JMJD1C: variants seen among roughly 807,000 people sequenced by gnomAD.
JMJD1C encodes the protein jumonji domain containing 1C.
JMJD1C carries 31 observed loss-of-function variants against 245.3 expected under a neutral mutation model. That is an observed-to-expected ratio of 0.13 (90% confidence interval 0.09 to 0.17). The LOEUF is 0.17. Ranked by LOEUF, JMJD1C falls within the 10% of genes least tolerant of loss-of-function variation. JMJD1C has a pLI of 1.00. For missense variants in JMJD1C, 2,691 were observed against 3,000.2 expected, an observed-to-expected ratio of 0.90 and a Z score of 2.41; for synonymous variants, 1,057 against 1,017.4, an observed-to-expected ratio of 1.04 and a Z score of -0.74.
intron 24 of JMJD1C, among the ~76,000 whole-genome samples, chr10:63,172,714 G>C (rs535081544): frequency 4.0e-5 from 6 of 151,580 alleles, no homozygotes; most frequent in African/African-American, 1.5e-4. Context: ...TCACCAAGAA[G>C]GTGAAATTTG....
At chr10:63,208,931 T>C in intron 9 of JMJD1C, 130 bp from the exon 10 acceptor site, 2 of 1,062,234 alleles carry the variant, frequency 1.9e-6, no homozygotes, top group Non-Finnish European at 2.7e-6. Flanking sequence ...CTATAATAAA[T>C]TTGAAGAAAT....
chr10:63,415,696 A>G (rs1589704612), intron 1 of JMJD1C, among the ~76,000 whole-genome samples: 1 of 152,242 alleles, frequency 6.6e-6, no homozygotes, highest in South Asian at 2.1e-4. Context: ...CAAAACTGTA[A>G]AATGAAACTA....
chr10:63,196,534 G>C (rs904764404), intron 13 of JMJD1C, among the ~76,000 whole-genome samples: 35 of 152,090 alleles, frequency 2.3e-4, no homozygotes, highest in African/African-American at 7.0e-4. Context: ...AGAGACTTTG[G>C]TTAATCCTAT....
intron 1 of JMJD1C, among the ~76,000 whole-genome samples, chr10:63,399,146 C>G (rs1052726146): frequency 6.6e-6 from 1 of 152,154 alleles, no homozygotes; most frequent in Non-Finnish European, 1.5e-5. Context: ...TGATACGTAT[C>G]AAATCACTGC....
chr10:63,298,300 C>A (rs1460142467), intron 2 of JMJD1C, among the ~76,000 whole-genome samples: 1 of 152,176 alleles, frequency 6.6e-6, no homozygotes, highest in African/African-American at 2.4e-5. Flanking sequence ...AGCACTGGTG[C>A]CACTGGCCAC....
At chr10:63,388,364 G>C (rs146307862) in intron 1 of JMJD1C, among the ~76,000 whole-genome samples, 2 of 149,152 alleles carry the variant, frequency 1.3e-5, no homozygotes, top group Admixed American at 6.7e-5. Flanking sequence ...AAAAAAAGCC[G>C]AATATACTAT....
At chr10:63,251,873 A>G (rs1250824289) in intron 3 of JMJD1C, among the ~76,000 whole-genome samples, 1 of 152,176 alleles carries the variant, frequency 6.6e-6, no homozygotes, top group African/African-American at 2.4e-5. Flanking sequence ...TTAGCTGGGC[A>G]TGGTGGAGTG....
chr10:63,319,696 T>G (rs1453489098), intron 2 of JMJD1C, among the ~76,000 whole-genome samples: 1 of 152,226 alleles, frequency 6.6e-6, no homozygotes, highest in Non-Finnish European at 1.5e-5. Flanking sequence ...CCGTGAAATA[T>G]TCTCTTTAAT....
intron 1 of JMJD1C, among the ~76,000 whole-genome samples, chr10:63,433,657 C>T (rs953488690): frequency 3.4e-5 from 5 of 147,534 alleles, no homozygotes; most frequent in African/African-American, 7.5e-5. Context: ...GAGATCATGG[C>T]TCACTGCAGT....
intron 1 of JMJD1C, among the ~76,000 whole-genome samples, chr10:63,448,116 T>A (rs1245552148): frequency 5.9e-5 from 9 of 152,190 alleles, no homozygotes; most frequent in Admixed American, 5.9e-4. Flanking sequence ...CATTACTGAA[T>A]TTAGTAAAAC....
chr10:63,494,908 G>C (rs1954305631), intron 1 of JMJD1C, among the ~76,000 whole-genome samples: 1 of 152,138 alleles, frequency 6.6e-6, no homozygotes, highest in Admixed American at 6.6e-5. Flanking sequence ...ATTCCTCAAA[G>C]CTGAGGTCAA....
intron 1 of JMJD1C, among the ~76,000 whole-genome samples, chr10:63,505,189 C>T (rs1288472236): frequency 1.3e-5 from 2 of 150,556 alleles, no homozygotes; most frequent in East Asian, 2.0e-4. Context: ...TGGTGGCGGG[C>T]GCCTGTAGTC....
At chr10:63,375,544 G>GTA (rs1353023161) in intron 2 of JMJD1C, among the ~76,000 whole-genome samples, 1 of 150,658 alleles carries the variant, frequency 6.6e-6, no homozygotes, top group Non-Finnish European at 1.5e-5. Flanking sequence ...ACGTGTGTGT[G>GTA]TGTGTGTGTG....
At chr10:63,220,284 T>C (rs992405995) in intron 3 of JMJD1C, among the ~76,000 whole-genome samples, 1 of 152,226 alleles carries the variant, frequency 6.6e-6, no homozygotes, top group African/African-American at 2.4e-5. Flanking sequence ...GATTCACTAT[T>C]GGAAGCAATA....
Position 63,208,077 on chromosome 10 carries a change from G to C in JMJD1C, c.3592C>G (p.Arg1198Gly). ...HLTVSSTNTL[R>G]SMPALHRAPV... ...GCTCTATGTAATGCAGGCATACTGC[G>C]GAGTGTATTTGTAGAAGAAACTGTC... Residue 1198 changes from arginine to glycine, a missense_variant, in exon 10 of 26, where the codon CGC (arginine) becomes GGC (glycine). By Grantham distance (125) the Arg-to-Gly change is moderately radical. This residue lies in a region of JMJD1C where 1,562 missense variants were observed against 1,490.7 expected (regional missense o/e 1.05). Coordinates refer to ENST00000399262, the MANE Select transcript of JMJD1C (RefSeq NM_032776.3). 1.2e-6 allele frequency: 2 copies of C among 1,614,088 alleles called. No homozygotes were observed. The highest frequency in any genetic ancestry group is 1.7e-6 in the Non-Finnish European group (2 of 1,179,996).
rs1205865068 is a variant in JMJD1C at position 63,208,045 on chromosome 10, T to C, written c.3624A>G (p.Val1208=). 1.2e-6 allele frequency: 2 copies of C among 1,614,022 alleles called. No individual in the cohort carries two copies. Among genetic ancestry groups the C allele is most frequent in the Non-Finnish European group, 1.7e-6 (2 of 1,180,020 alleles). Residue 1208 remains valine, a synonymous_variant, in exon 10 of 26, where the codon GTA becomes GTG. Coordinates refer to ENST00000399262, the MANE Select transcript of JMJD1C (RefSeq NM_032776.3). ...GGCTGTGATGGATTGGTGGGTGAAA[T>C]ACTGGTGCTCTATGTAATGCAGGCA... ...RSMPALHRAP[V]FHPPIHHSLE...
intron 2 of JMJD1C, among the ~76,000 whole-genome samples, chr10:63,267,913 A>C (rs1344723701): frequency 2.6e-5 from 4 of 152,128 alleles, no homozygotes; most frequent in African/African-American, 9.7e-5. Flanking sequence ...ACCACATTCC[A>C]TTCACATGAG....
At chr10:63,316,412 T>C (rs546558543) in intron 2 of JMJD1C, among the ~76,000 whole-genome samples, 3 of 152,292 alleles carry the variant, frequency 2.0e-5, no homozygotes, top group Admixed American at 6.5e-5. Flanking sequence ...TTGTTTTGTG[T>C]GTACTTCTCT....
intron 1 of JMJD1C, among the ~76,000 whole-genome samples, chr10:63,420,093 G>A (rs942822798): frequency 1.5e-4 from 22 of 150,858 alleles, no homozygotes; most frequent in Admixed American, 1.2e-3. Context: ...CCGAGATCAC[G>A]CCACTGCACT....
Sources: gnomAD v4.1 joint callset for allele counts (sites outside exome capture counted in the v4.1 genomes callset) on GRCh38, gnomAD v4.1.1 for gene constraint, gnomAD v4.1.1 regional missense constraint, MANE v1.5 for transcripts, NCBI Gene and HGNC (gene_info 2026-07-23, HGNC 2026-07-21) for gene names.